DNER: variants seen among roughly 807,000 people sequenced by gnomAD.
DNER encodes delta/notch like EGF repeat containing.
In DNER, 33 loss-of-function variants were observed where a neutral mutation model predicts 78.2. That is an observed-to-expected ratio of 0.42 (90% confidence interval 0.32 to 0.56). The LOEUF (loss-of-function observed/expected upper bound fraction) is 0.56, where lower values mean the gene tolerates loss of function less well. Ranked by LOEUF, DNER falls within the 20% of genes least tolerant of loss-of-function variation. The pLI is 0.11. For missense variants in DNER, 918 were observed against 975.3 expected (o/e 0.94, Z 0.78); for synonymous variants, 417 against 384.8 (o/e 1.08, Z -0.98).
At chr2:229,630,648 T>C (rs1245619538) in intron 1 of DNER, among the ~76,000 whole-genome samples, 1 of 151,832 alleles carries the variant, frequency 6.6e-6, no homozygotes, top group Non-Finnish European at 1.5e-5. Context: ...AAAAGAAAAA[T>C]CAACTTTTTA....
chr2:229,700,284 A>ATGTGTGTG (rs74181354), intron 1 of DNER, among the ~76,000 whole-genome samples: 8 of 36,534 alleles, frequency 2.2e-4, no homozygotes, highest in African/African-American at 3.2e-4. Context: ...ATGTCAATAT[A>ATGTGTGTG]TGTGTGTGTG....
At chr2:229,612,605 C>G (rs765179335) in intron 1 of DNER, among the ~76,000 whole-genome samples, 5 of 152,222 alleles carry the variant, frequency 3.3e-5, no homozygotes, top group Non-Finnish European at 7.3e-5. Flanking sequence ...AGCCTCGCTG[C>G]GGACACAAAG....
At chr2:229,395,845 C>T (rs549937550) in intron 10 of DNER, among the ~76,000 whole-genome samples, 33 of 152,148 alleles carry the variant, frequency 2.2e-4, no homozygotes, top group East Asian at 1.5e-3. Context: ...TTGCAGTGAG[C>T]GGAGATGGCG....
At chr2:229,467,662 T>C (rs1312681993) in intron 7 of DNER, among the ~76,000 whole-genome samples, 1 of 152,194 alleles carries the variant, frequency 6.6e-6, no homozygotes, top group Non-Finnish European at 1.5e-5. Flanking sequence ...ATAATTCTGC[T>C]ACAAGAAAAA....
intron 1 of DNER, among the ~76,000 whole-genome samples, chr2:229,659,719 C>T (rs1176527549): frequency 1.3e-5 from 2 of 152,118 alleles, no homozygotes; most frequent in African/African-American, 4.8e-5. Flanking sequence ...CCTAAAGAAT[C>T]TCTGTGATCC....
chr2:229,667,199 C>T (rs1425963428), intron 1 of DNER, among the ~76,000 whole-genome samples: 3 of 152,184 alleles, frequency 2.0e-5, no homozygotes. Flanking sequence ...TCTGATATTT[C>T]TTTTCAGCAG....
At chr2:229,503,933 G>A (rs1237412606) in intron 6 of DNER, among the ~76,000 whole-genome samples, 1 of 152,046 alleles carries the variant, frequency 6.6e-6, no homozygotes, top group African/African-American at 2.4e-5. Context: ...TTGTAGAGAT[G>A]GAGTTTTGCC....
intron 4 of DNER, among the ~76,000 whole-genome samples, chr2:229,564,998 A>T (rs1697075617): frequency 6.6e-6 from 1 of 152,166 alleles, no homozygotes; most frequent in South Asian, 2.1e-4. Context: ...CTCTTTCATA[A>T]GGACACTAAT....
intron 3 of DNER, chr2:229,587,025 C>T (rs2154214493): frequency 1.0e-6 from 1 of 982,250 alleles, no homozygotes; most frequent in Non-Finnish European, 1.2e-6. Flanking sequence ...TCTGCTAATT[C>T]GGTCCCGTTC....
intron 1 of DNER, among the ~76,000 whole-genome samples, chr2:229,690,499 T>C (rs1021264859): frequency 1.3e-5 from 2 of 152,236 alleles, no homozygotes; most frequent in African/African-American, 4.8e-5. Flanking sequence ...AGGATCTGAA[T>C]GGAACTAGCA....
At chr2:229,383,210 G>C (rs146040396) in intron 11 of DNER, among the ~76,000 whole-genome samples, 10,685 of 152,180 alleles carry the variant, frequency 0.07, 1,215 homozygotes, top group African/African-American at 0.24. Flanking sequence ...ACAAGCAAAT[G>C]CTAAGAGATT....
intron 1 of DNER, among the ~76,000 whole-genome samples, chr2:229,681,558 C>T (rs571304388): frequency 4.7e-4 from 72 of 152,160 alleles, no homozygotes; most frequent in African/African-American, 1.6e-3. Flanking sequence ...CCCTTGTCAC[C>T]CACACCACCA....
At chr2:229,432,389 A>T (rs1433783690) in intron 8 of DNER, among the ~76,000 whole-genome samples, 1 of 152,200 alleles carries the variant, frequency 6.6e-6, no homozygotes, top group Non-Finnish European at 1.5e-5. Context: ...GAGGGGGGAA[A>T]ATCAAAGACT....
intron 4 of DNER, among the ~76,000 whole-genome samples, chr2:229,568,030 G>T (rs1164810980): frequency 6.6e-6 from 1 of 152,038 alleles, no homozygotes; most frequent in Non-Finnish European, 1.5e-5. Flanking sequence ...ATCTAACACG[G>T]ATCACAGCAT....
chr2:229,713,696 C>T (rs983499023), intron 1 of DNER, among the ~76,000 whole-genome samples: 1 of 152,256 alleles, frequency 6.6e-6, no homozygotes, highest in East Asian at 1.9e-4. Context: ...GCCTCCCACA[C>T]CGCACACCCT....
intron 9 of DNER, among the ~76,000 whole-genome samples, chr2:229,413,616 C>T (rs374378165): frequency 7.9e-5 from 12 of 151,422 alleles, no homozygotes; most frequent in African/African-American, 1.2e-4. Flanking sequence ...CCACCGCCCC[C>T]GGCCTTTTTT....
chr2:229,555,886 C>T (rs1696847260), intron 4 of DNER, among the ~76,000 whole-genome samples: 1 of 152,052 alleles, frequency 6.6e-6, no homozygotes, highest in Non-Finnish European at 1.5e-5. Context: ...CCAAGTAACA[C>T]TTTTACGCAT....
chr2:229,429,996 A>G (rs1693970479), intron 8 of DNER, among the ~76,000 whole-genome samples: 1 of 152,198 alleles, frequency 6.6e-6, no homozygotes. Flanking sequence ...ACACAGGTTG[A>G]GGAATATAGA....
At position 229,458,572 on chromosome 2, in the gene DNER, T is replaced by C. The variant is rs531441217; in HGVS notation, c.1262-11032A>G. 2.6e-5 allele frequency among the ~76,000 whole-genome samples: 4 copies of C among 152,042 alleles called. No homozygotes were observed. The East Asian group carries it at 7.7e-4, about 29-fold the overall frequency. On this transcript the variant is annotated intron_variant, in intron 7 of 12. Transcript: ENST00000341772. ...AAATTCAATATGCATTCATCATTTT[T>C]AAGAAGAAAGAAAAACTCTCAGCAA...
Sources: allele counts gnomAD v4.1 joint callset (sites outside exome capture counted in the v4.1 genomes callset), GRCh38; gene constraint gnomAD v4.1.1; transcripts MANE v1.5; gene names NCBI Gene and HGNC (gene_info 2026-07-23, HGNC 2026-07-21).